EXD1: variants seen among roughly 807,000 people sequenced by gnomAD.
EXD1 encodes piRNA biogenesis protein EXD1.
A neutral mutation model predicts 49.1 loss-of-function variants in EXD1; 63 were observed. The ratio of observed to expected loss-of-function variants is 1.28; its 90% CI spans 1.05 to 1.58. The LOEUF (loss-of-function observed/expected upper bound fraction) is 1.58. EXD1 is among the 40% of genes most tolerant of loss of function. The pLI is 0.00. For missense variants in EXD1, 748 were observed against 666.0 expected (o/e 1.12, Z -1.36); for synonymous variants, 234 against 239.2 (o/e 0.98, Z 0.20).
In EXD1 at chr15:41,184,230, A is replaced by G. The variant is rs1428931224; in HGVS notation, c.1420T>C (p.Ser474Pro). 1 of 1,614,038 alleles carries G rather than the reference A, an allele frequency of 6.2e-7. No homozygotes were observed. The highest frequency in any genetic ancestry group is 8.5e-7 in the Non-Finnish European group (1 of 1,180,036). The change falls in exon 12 of 12, where the codon TCA becomes CCA. Residue 474 changes from serine to proline, a missense_variant. Physicochemically the swap from Ser to Pro is moderately conservative, Grantham distance 74. Coordinates refer to ENST00000458580, the MANE Select transcript of EXD1 (RefSeq NM_001286441.2). ...DSSNKLICTKSKGSEDQRITQ... is the reference protein window; with the variant it reads ...DSSNKLICTKPKGSEDQRITQ... The stretch of plus-strand genomic sequence containing the variant: ...ATTCTCTGGTCCTCTGACCCCTTTG[A>G]CTTTGTGCAAATGAGTTTGTTACTG...
intron 7 of EXD1, among the ~76,000 whole-genome samples, chr15:41,204,989 A>G (rs1043994373): frequency 1.3e-5 from 2 of 152,194 alleles, no homozygotes; most frequent in African/African-American, 2.4e-5. Flanking sequence ...CAGTCAGTCT[A>G]TTAACATTAG....
chr15:41,194,637 C>T (rs2046582079), intron 9 of EXD1, among the ~76,000 whole-genome samples: 1 of 152,060 alleles, frequency 6.6e-6, no homozygotes, highest in African/African-American at 2.4e-5. Context: ...GTTACAGCAG[C>T]AATAAGAAAC....
Position 41,212,693 on chromosome 15 carries a change from G to A in EXD1, c.447+3082C>T, listed in dbSNP as rs540064968. On this transcript the variant is annotated intron_variant, in intron 6 of 11. Coordinates refer to ENST00000458580, the MANE Select transcript of EXD1 (RefSeq NM_001286441.2). ...ACCACAAAGAAGAAACAACCCAAAT[G>A]TCCATCAAATGGTGAATGGATAAAT... Among the ~76,000 whole-genome samples, 7 of 152,238 alleles carry A rather than the reference G, an allele frequency of 4.6e-5. No homozygotes were observed. The South Asian group carries it at 1.5e-3, about 32-fold the overall frequency.
chr15:41,184,293 G>T lies in EXD1; in HGVS notation c.1357C>A (p.Leu453Ile). ...GTTTCCCCTTCCTCTGTGGGAGGTA[G>T]ATGTTGAGGATTTGTAGCTTGTTTA... is the stretch of plus-strand genomic sequence containing the variant. ...LNKQATNPQH[L>I]PPTEEGETSE... Residue 453 changes from leucine to isoleucine, a missense_variant, in exon 12 of 12, where the codon CTA (leucine) becomes ATA (isoleucine). Coordinates refer to ENST00000458580, the MANE Select transcript of EXD1 (RefSeq NM_001286441.2). The T allele has an allele frequency of 6.2e-7, 1 of 1,614,210 alleles. No homozygotes were observed. The highest frequency in any genetic ancestry group is 8.5e-7 in the Non-Finnish European group (1 of 1,180,046).
Position 41,195,925 on chromosome 15 carries a change from A to G in EXD1, c.639+8T>C. The G allele has an allele frequency of 6.2e-7, 1 of 1,610,432 alleles. No homozygotes were observed. Among genetic ancestry groups the G allele is most frequent in the Non-Finnish European group, 8.5e-7 (1 of 1,178,310 alleles). On this transcript the variant is annotated splice_region_variant and intron_variant, in intron 8 of 11. Transcript: ENST00000458580. ...CTTAATAGCACAGGAATCAGTTTAT[A>G]TACTTACCTTCAAAATTCTCTTGTC...
rs60161844 is a variant in EXD1, at chr15:41,205,548, T to C, written c.534+3953A>G. Among the ~76,000 whole-genome samples the C allele has an allele frequency of 2.4e-3, 364 of 152,088 alleles. 3 individuals are homozygous for C. Among genetic ancestry groups the C allele is most frequent in the African/African-American group, 8.6e-3 (355 of 41,490 alleles). On this transcript the variant is annotated intron_variant, in intron 7 of 11. Transcript: ENST00000458580. ...ATCCCAGCAATTTGGAAGGCTGAGC[T>C]GGGTAGATTGCTTGAGTCTGGGAGT...
chr15:41,229,019 A>G (rs905711643), intron 1 of EXD1, among the ~76,000 whole-genome samples: 1 of 152,224 alleles, frequency 6.6e-6, no homozygotes, highest in Non-Finnish European at 1.5e-5. Context: ...TTCAAGGCTG[A>G]CTGAGAAAAG....
intron 6 of EXD1, among the ~76,000 whole-genome samples, chr15:41,210,972 T>A (rs542387022): frequency 6.6e-6 from 1 of 152,282 alleles, no homozygotes; most frequent in African/African-American, 2.4e-5. Flanking sequence ...CCCAATCAGA[T>A]GGCTGCAGAA....
intron 5 of EXD1, 143 bp from the exon 6 acceptor site, chr15:41,215,976 T>A: frequency 1.4e-6 from 1 of 690,650 alleles, no homozygotes; most frequent in Non-Finnish European, 2.6e-6. Flanking sequence ...CCCTACGTAC[T>A]ACTTCTCTTC....
At position 41,190,088 on chromosome 15, in the gene EXD1, G is replaced by C. The variant is rs776747020; in HGVS notation, c.905C>G (p.Ser302Cys). 30 of 1,614,182 alleles carry C rather than the reference G, an allele frequency of 1.9e-5. No homozygotes were observed. The highest frequency in any genetic ancestry group is 2.5e-5 in the Non-Finnish European group (29 of 1,180,036). The part of the protein sequence containing the change: ...EVWFIRPVSP[S>C]LLKILALEAT... ...TTCCAGGGCCAAAATTTTCAGTAAA[G>C]AGGGTGAAACAGGTCGGATGAACCA... The change falls in exon 11 of 12, where the codon TCT becomes TGT. Residue 302 changes from serine (S) to cysteine (C), a missense_variant. Transcript: ENST00000458580.
chr15:41,230,380 G>T, intron 1 of EXD1, 99 bp downstream of exon 1: 2 of 1,322,880 alleles, frequency 1.5e-6, no homozygotes, highest in South Asian at 1.2e-5. Context: ...ACCGTGCCAG[G>T]CCTACCTTTT....
Position 41,219,900 on chromosome 15 carries a change from T to G in EXD1, c.134-2A>C, listed in dbSNP as rs1241863249. ...TTCGACCTGTCTCCACATTCTTCAC[T>G]GTTACAGAAAACAATTCATTCAGTT... On this transcript the variant is annotated splice_acceptor_variant, in intron 2 of 11. Transcript: ENST00000458580. LOFTEE classifies it high-confidence loss of function. 1 of 1,533,412 alleles carries G rather than the reference T, an allele frequency of 6.5e-7. No homozygotes were observed. Among genetic ancestry groups the G allele is most frequent in the East Asian group, 2.4e-5 (1 of 40,842 alleles). The allele number at this position is 1,533,412 out of a possible 1,614,324, so 95.0% of individuals were successfully genotyped here.
At chr15:41,227,459 C>T (rs1270140351) in intron 1 of EXD1, among the ~76,000 whole-genome samples, 1 of 152,070 alleles carries the variant, frequency 6.6e-6, no homozygotes, top group Non-Finnish European at 1.5e-5. Flanking sequence ...AATCTGAGGT[C>T]GGGAGTTCCA....
At chr15:41,197,051 C>A (rs547862374) in intron 7 of EXD1, among the ~76,000 whole-genome samples, 14 of 152,030 alleles carry the variant, frequency 9.2e-5, no homozygotes, top group Admixed American at 3.9e-4. Flanking sequence ...TTTCAAACTC[C>A]TAGGCTAAAG....
intron 7 of EXD1, among the ~76,000 whole-genome samples, chr15:41,199,690 A>ATATAT (rs1342063285): frequency 3.6e-4 from 30 of 82,814 alleles, no homozygotes; most frequent in Admixed American, 1.2e-3. Flanking sequence ...CATATATATG[A>ATATAT]GATATATTAC....
chr15:41,193,196 G>A (rs1196588397), intron 9 of EXD1, among the ~76,000 whole-genome samples: 1 of 152,128 alleles, frequency 6.6e-6, no homozygotes, highest in Non-Finnish European at 1.5e-5. Context: ...GGGATTACAG[G>A]CGTGAGCCAC....
chr15:41,199,700 C>CATATATCATATATATATT (rs2046679139), intron 7 of EXD1, among the ~76,000 whole-genome samples: 1 of 15,508 alleles, frequency 6.4e-5, no homozygotes, highest in Non-Finnish European at 1.3e-4. Context: ...AGATATATTA[C>CATATATCATATATATATT]ATATATCATA....
chr15:41,216,877 T>A, intron 4 of EXD1, 82 bp from the exon 5 acceptor site: 1 of 1,573,488 alleles, frequency 6.4e-7, no homozygotes, highest in South Asian at 1.2e-5. Flanking sequence ...ACATTAACGT[T>A]AAGGACAGTG....
At chr15:41,185,175 C>G (rs1320081526) in intron 11 of EXD1, among the ~76,000 whole-genome samples, 1 of 152,168 alleles carries the variant, frequency 6.6e-6, no homozygotes, top group Non-Finnish European at 1.5e-5. Context: ...TCCAGCCTGG[C>G]CTCAGCTGCG....
Sources: gnomAD v4.1 joint callset for allele counts (sites outside exome capture counted in the v4.1 genomes callset) on GRCh38, gnomAD v4.1.1 for gene constraint, MANE v1.5 for transcripts, NCBI Gene and HGNC (gene_info 2026-07-23, HGNC 2026-07-21) for gene names.